TRIM2: variants seen among roughly 807,000 people sequenced by gnomAD.
TRIM2 encodes tripartite motif containing 2.
A neutral mutation model predicts 75.2 loss-of-function variants in TRIM2; 20 were observed. That is an observed-to-expected ratio of 0.27 (90% CI 0.19 to 0.39). The LOEUF is 0.39. Ranked by LOEUF, TRIM2 falls within the 10% of genes least tolerant of loss-of-function variation. The pLI is 1.00. For missense variants in TRIM2, 660 were observed against 990.8 expected (o/e 0.67, Z 4.48); for synonymous variants, 373 against 388.3 (o/e 0.96, Z 0.46).
rs370599567 is a variant in TRIM2 at position 153,239,351 on chromosome 4, C to CAA, written c.31-30969_31-30968dup. ...TAGGAGACACAGCGTGACTCCGTCTCAAAAAAAAAAAAAAAAGAACTCTGG... is the reference window on the plus strand; with the variant it reads ...TAGGAGACACAGCGTGACTCCGTCTCAAAAAAAAAAAAAAAAAAGAACTCTGG... On this transcript the variant is annotated intron_variant, in intron 1 of 11. Transcript: ENST00000338700. Among the ~76,000 whole-genome samples the CAA allele has an allele frequency of 7.4e-5, 8 of 107,500 alleles. No homozygotes were observed. The South Asian group carries it at 2.1e-3, about 28-fold the overall frequency. 70.5% of individuals were successfully genotyped at this position (107,500 alleles called of 152,430 possible).
chr4:153,263,766 G>C (rs1346972723), intron 1 of TRIM2, among the ~76,000 whole-genome samples: 4 of 152,198 alleles, frequency 2.6e-5, no homozygotes, highest in Non-Finnish European at 5.9e-5. Context: ...TGAGATCAGG[G>C]TGCCCCCATG....
chr4:153,304,139 T>C (rs1477363157), intron 6 of TRIM2, among the ~76,000 whole-genome samples: 2 of 152,094 alleles, frequency 1.3e-5, no homozygotes, highest in Non-Finnish European at 2.9e-5. Context: ...TTTGAGACAG[T>C]GTCTTGCTCT....
chr4:153,208,601 C>T (rs945225620), intron 1 of TRIM2, among the ~76,000 whole-genome samples: 17 of 152,134 alleles, frequency 1.1e-4, no homozygotes, highest in Non-Finnish European at 4.4e-5. Flanking sequence ...CTCAGGTCTG[C>T]TGGTTGACTG....
intron 1 of TRIM2, among the ~76,000 whole-genome samples, chr4:153,243,827 C>A (rs72727874): frequency 3.8e-5 from 5 of 133,166 alleles, no homozygotes; most frequent in South Asian, 2.7e-4. Context: ...TTCCCCCCCC[C>A]CTTGAGACAG....
chr4:153,249,695 A>C (rs2149915931), intron 1 of TRIM2, among the ~76,000 whole-genome samples: 1 of 152,324 alleles, frequency 6.6e-6, no homozygotes, highest in African/African-American at 2.4e-5. Context: ...CCGAACTCTT[A>C]AATCCCAGCC....
rs1023582404 is a variant in TRIM2, at chr4:153,314,312, T to G, written c.1511-1173T>G. Among the ~76,000 whole-genome samples, 4 of 145,338 alleles carry G rather than the reference T, an allele frequency of 2.8e-5. No homozygotes were observed. The Admixed American group carries it at 2.8e-4, about 10-fold the overall frequency. ...GCGGGCGCCTGTAGTCCCAGCTACT[T>G]GGGAGGCTGAGGCAGGAGAATGGCG... On this transcript the variant is annotated intron_variant, in intron 6 of 11. Coordinates refer to ENST00000338700, the MANE Select transcript of TRIM2 (RefSeq NM_015271.5).
intron 1 of TRIM2, among the ~76,000 whole-genome samples, chr4:153,242,023 C>A (rs774084465): frequency 6.6e-6 from 1 of 152,178 alleles, no homozygotes; most frequent in African/African-American, 2.4e-5. Flanking sequence ...AATGGGAATT[C>A]TACTGAGGCC....
rs1748441644 is a variant in TRIM2 at position 153,244,426 on chromosome 4, CTTCTTCTTCTTTTAATTA to C, written c.31-25908_31-25891del. On this transcript the variant is annotated intron_variant, in intron 1 of 11. Coordinates refer to ENST00000338700, the MANE Select transcript of TRIM2 (RefSeq NM_015271.5). Reference sequence around the variant, plus strand: ...TCTTCTTCTTCTTCTTCTTCTTCTTCTTCTTCTTCTTTTAATTAGAGAGGAGGCCTCACTATGTTGCCC... The same window carrying C: ...TCTTCTTCTTCTTCTTCTTCTTCTTCGAGAGGAGGCCTCACTATGTTGCCC... Among the ~76,000 whole-genome samples, 3 of 104,300 alleles carry C rather than the reference CTTCTTCTTCTTTTAATTA, an allele frequency of 2.9e-5. 1 individual carries two copies. Among genetic ancestry groups the C allele is most frequent in the South Asian group, 5.7e-4 (2 of 3,492 alleles). The allele number at this position is 104,300 out of a possible 152,430, so 68.4% of individuals were successfully genotyped here.
intron 1 of TRIM2, among the ~76,000 whole-genome samples, chr4:153,219,415 A>C (rs1024179902): frequency 5.9e-5 from 9 of 152,158 alleles, no homozygotes; most frequent in African/African-American, 2.2e-4. Context: ...TGACCATCTC[A>C]CAAACTTCTA....
At chr4:153,241,250 C>A (rs1746496187) in intron 1 of TRIM2, among the ~76,000 whole-genome samples, 1 of 152,178 alleles carries the variant, frequency 6.6e-6, no homozygotes, top group Non-Finnish European at 1.5e-5. Context: ...AGTACCTGGT[C>A]TAGGAGGCTG....
chr4:153,243,912 G>A (rs1428451082), intron 1 of TRIM2, among the ~76,000 whole-genome samples: 5 of 147,640 alleles, frequency 3.4e-5, no homozygotes, highest in Admixed American at 7.0e-5. Flanking sequence ...TCAACCTCCC[G>A]GGCTCAAGTG....
intron 6 of TRIM2, among the ~76,000 whole-genome samples, chr4:153,300,485 C>T (rs148898094): frequency 8.5e-5 from 13 of 152,194 alleles, no homozygotes; most frequent in African/African-American, 2.2e-4. Context: ...CATTCTAACA[C>T]GTATGAGGTA....
chr4:153,189,389 A>G (rs1371863692), intron 1 of TRIM2, among the ~76,000 whole-genome samples: 1 of 152,178 alleles, frequency 6.6e-6, no homozygotes, highest in Non-Finnish European at 1.5e-5. Flanking sequence ...AGGAGAGCAA[A>G]GTCTTGGCAT....
chr4:153,181,494 A>G (rs1206858897), intron 1 of TRIM2, among the ~76,000 whole-genome samples: 2 of 152,130 alleles, frequency 1.3e-5, no homozygotes, highest in Non-Finnish European at 2.9e-5. Flanking sequence ...GCCCCAGGGG[A>G]CAGGCCAGGG....
chr4:153,330,291 A>G (rs1771178155), intron 11 of TRIM2, among the ~76,000 whole-genome samples: 1 of 152,232 alleles, frequency 6.6e-6, no homozygotes, highest in South Asian at 2.1e-4. Flanking sequence ...AAGATAAGAG[A>G]ATACTTCCCA....
At chr4:153,242,998 G>A (rs927270410) in intron 1 of TRIM2, among the ~76,000 whole-genome samples, 5 of 152,220 alleles carry the variant, frequency 3.3e-5, no homozygotes, top group Admixed American at 1.3e-4. Context: ...CCCAGGGCCC[G>A]GGCAGCTCTC....
rs561269559 is a variant in TRIM2 at position 153,182,314 on chromosome 4, C to A, written c.-49+29044C>A. On this transcript the variant is annotated intron_variant, in intron 1 of 11. Coordinates refer to the TRIM2 transcript ENST00000437508. ...AAATGGCAAGTGAAGAGACTGGGGT[C>A]CAACCAGGCTCCTTGATGTAATTGC... Among the ~76,000 whole-genome samples, 5 of 152,252 alleles carry A rather than the reference C, an allele frequency of 3.3e-5. No individual in the cohort carries two copies. The South Asian group carries it at 1.0e-3, about 32-fold the overall frequency.
At chr4:153,291,037 T>C (rs7690141) in intron 3 of TRIM2, among the ~76,000 whole-genome samples, 3,193 of 151,474 alleles carry the variant, frequency 0.021, 67 homozygotes, top group African/African-American at 0.054. Flanking sequence ...TACAGCCTTA[T>C]ATGACAAAAA....
At chr4:153,172,354 AT>A (rs1418114725) in intron 1 of TRIM2, among the ~76,000 whole-genome samples, 1 of 151,840 alleles carries the variant, frequency 6.6e-6, no homozygotes, top group Non-Finnish European at 1.5e-5. Flanking sequence ...CGCCCGGCTA[AT>A]TTTTTGTATT....
Sources: gnomAD v4.1 joint callset for allele counts (sites outside exome capture counted in the v4.1 genomes callset) on GRCh38, gnomAD v4.1.1 for gene constraint, MANE v1.5 for transcripts, NCBI Gene and HGNC (gene_info 2026-07-23, HGNC 2026-07-21) for gene names.